Variants in C1GALT1 observed in about 807,000 individuals in gnomAD.
C1GALT1 encodes glycoprotein-N-acetylgalactosamine 3-beta-galactosyltransferase 1.
A neutral mutation model predicts 31.0 loss-of-function variants in C1GALT1; 11 were observed. The ratio of observed to expected loss-of-function variants is 0.36; its 90% CI spans 0.22 to 0.59. The LOEUF (loss-of-function observed/expected upper bound fraction) is 0.59, where lower values mean the gene tolerates loss of function less well. Among genes scored for constraint, C1GALT1 ranks in the 20% least tolerant of loss-of-function variants. C1GALT1 has a pLI of 0.79. For synonymous variants in C1GALT1, 175 were observed against 143.6 expected (o/e 1.22, Z -1.56); for missense variants, 424 against 425.2 (o/e 1.00, Z 0.03).
chr7:7,172,169 A>G (rs905304764), intron 2 of C1GALT1, among the ~76,000 whole-genome samples: 4 of 152,184 alleles, frequency 2.6e-5, no homozygotes. Flanking sequence ...GTTTATCTGA[A>G]TATATCCTAA....
chr7:7,239,654 C>A (rs1317545268), intron 3 of C1GALT1, among the ~76,000 whole-genome samples: 1 of 152,128 alleles, frequency 6.6e-6, no homozygotes, highest in Non-Finnish European at 1.5e-5. Context: ...AGCCTTGGCT[C>A]ACATTCCTGA....
At chr7:7,186,681 T>A (rs1316123558) in intron 1 of C1GALT1, among the ~76,000 whole-genome samples, 1 of 151,794 alleles carries the variant, frequency 6.6e-6, no homozygotes, top group Non-Finnish European at 1.5e-5. Flanking sequence ...CCTGAAGGAG[T>A]TGGAGAGTGA....
intron 3 of C1GALT1, 66 bp from the exon 4 acceptor site, chr7:7,243,458 G>T: frequency 7.9e-7 from 1 of 1,273,218 alleles, no homozygotes; most frequent in Non-Finnish European, 1.1e-6. Context: ...TCCTTTATAA[G>T]TATGTAAATA....
chr7:7,168,208 G>C lies in C1GALT1; in HGVS notation c.-18+10782G>C, dbSNP rs978820925. Among the ~76,000 whole-genome samples, 10 of 152,206 alleles carry C rather than the reference G, an allele frequency of 6.6e-5. No individual in the cohort carries two copies. The South Asian group carries it at 2.1e-3, about 31-fold the overall frequency. ...TGACAGAAATTGGAAATTTAGAAAA[G>C]ATGCAGGTTAGTTGCTGAGGCAAGT... On this transcript the variant is annotated intron_variant, in intron 2 of 3. Transcript: ENST00000429911.
At chr7:7,190,994 C>G (rs1377637519) in intron 1 of C1GALT1, among the ~76,000 whole-genome samples, 1 of 151,920 alleles carries the variant, frequency 6.6e-6, no homozygotes, top group Non-Finnish European at 1.5e-5. Context: ...AAAATACATA[C>G]AAAGTTTACC....
intron 1 of C1GALT1, among the ~76,000 whole-genome samples, chr7:7,214,406 T>C (rs1243309536): frequency 6.6e-6 from 1 of 152,166 alleles, no homozygotes; most frequent in African/African-American, 2.4e-5. Flanking sequence ...GAGAGCCTTT[T>C]TCCAGAAAAA....
intron 2 of C1GALT1, among the ~76,000 whole-genome samples, chr7:7,175,173 C>G (rs1049949762): frequency 6.6e-6 from 1 of 152,144 alleles, no homozygotes. Context: ...TATTTGATGC[C>G]TGTCTCAAAC....
intron 1 of C1GALT1, among the ~76,000 whole-genome samples, chr7:7,202,589 T>C (rs1393216448): frequency 6.6e-6 from 1 of 152,180 alleles, no homozygotes; most frequent in Non-Finnish European, 1.5e-5. Flanking sequence ...TGTATGTCTG[T>C]TTTCATGCCA....
At chr7:7,172,002 A>G (rs975177466) in intron 2 of C1GALT1, among the ~76,000 whole-genome samples, 2 of 152,194 alleles carry the variant, frequency 1.3e-5, no homozygotes, top group Admixed American at 6.5e-5. Context: ...GTTACAAACA[A>G]AAATTAAATA....
chr7:7,223,021 C>T (rs1348264569), intron 1 of C1GALT1, among the ~76,000 whole-genome samples: 1 of 152,090 alleles, frequency 6.6e-6, no homozygotes, highest in African/African-American at 2.4e-5. Context: ...CACATTCTCT[C>T]CTATCCCCCT....
intron 1 of C1GALT1, among the ~76,000 whole-genome samples, chr7:7,204,950 T>TG (rs1781674164): frequency 6.6e-6 from 1 of 152,216 alleles, no homozygotes. Context: ...TGGCCTAACA[T>TG]GGTGTATCCT....
intron 1 of C1GALT1, among the ~76,000 whole-genome samples, chr7:7,183,989 T>A (rs1780705521): frequency 6.6e-6 from 1 of 152,200 alleles, no homozygotes; most frequent in African/African-American, 2.4e-5. Context: ...TGCGCATAAT[T>A]TCAAGTTGCT....
chr7:7,224,935 T>C (rs1474913698), intron 1 of C1GALT1, among the ~76,000 whole-genome samples: 1 of 152,124 alleles, frequency 6.6e-6, no homozygotes, highest in African/African-American at 2.4e-5. Flanking sequence ...ATTTAACCAA[T>C]AGATAGTTTT....
chr7:7,206,330 A>G (rs1781738279), intron 1 of C1GALT1, among the ~76,000 whole-genome samples: 1 of 152,086 alleles, frequency 6.6e-6, no homozygotes, highest in African/African-American at 2.4e-5. Context: ...ATTATCTAGT[A>G]TTCTTTTGTT....
Position 7,234,555 on chromosome 7 carries a change from TTAAGCAGTAAACA to T in C1GALT1, c.220+26_220+38del. ...CAACATAAAGGTATGGTTTACTTTA[TTAAGCAGTAAACA>T]TAAGCAGTATTTTAGTCTAAATTTT... is the stretch of plus-strand genomic sequence containing the variant. On this transcript the variant is annotated intron_variant, in intron 2 of 3. Transcript: ENST00000436587. 1 of 1,576,422 alleles carries T rather than the reference TTAAGCAGTAAACA, an allele frequency of 6.3e-7. No homozygotes were observed. The highest frequency in any genetic ancestry group is 1.7e-5 in the Admixed American group (1 of 59,748).
chr7:7,196,655 G>A (rs565242026), intron 1 of C1GALT1, among the ~76,000 whole-genome samples: 98 of 152,156 alleles, frequency 6.4e-4, no homozygotes, highest in Non-Finnish European at 1.3e-3. Flanking sequence ...TTCCACAATG[G>A]TTGAACTAGT....
intron 3 of C1GALT1, 67 bp from the exon 4 acceptor site, chr7:7,243,457 A>G (rs772780005): frequency 5.5e-6 from 7 of 1,262,542 alleles, no homozygotes; most frequent in Non-Finnish European, 7.7e-6. Context: ...GTCCTTTATA[A>G]GTATGTAAAT....
Position 7,234,298 on chromosome 7 carries a change from T to C in C1GALT1, c.-17-5T>C. The stretch of plus-strand genomic sequence containing the variant: ...ATAACATCCTGCTAATTTTTGTTCT[T>C]ACAGAAATACACTTTCGGGAAATGG... On this transcript the variant is annotated splice_region_variant and splice_polypyrimidine_tract_variant and intron_variant, in intron 1 of 3. Transcript: ENST00000436587. The C allele has an allele frequency of 1.9e-6, 3 of 1,604,364 alleles. No individual in the cohort carries two copies. The highest frequency in any genetic ancestry group is 2.6e-6 in the Non-Finnish European group (3 of 1,172,778).
intron 1 of C1GALT1, among the ~76,000 whole-genome samples, chr7:7,214,918 T>C (rs1782163830): frequency 6.6e-6 from 1 of 152,240 alleles, no homozygotes; most frequent in African/African-American, 2.4e-5. Context: ...TACAAGATTT[T>C]GACCCTCCTT....
Sources: gnomAD v4.1 joint callset for allele counts (sites outside exome capture counted in the v4.1 genomes callset) on GRCh38, gnomAD v4.1.1 for gene constraint, MANE v1.5 for transcripts, NCBI Gene and HGNC (gene_info 2026-07-23, HGNC 2026-07-21) for gene names.